Variants in MAP3K4 observed in about 807,000 individuals in gnomAD.
MAP3K4 encodes MAP three kinase 1.
A neutral mutation model predicts 185.6 loss-of-function variants in MAP3K4; 67 were observed. The observed-to-expected ratio is 0.36, with a 90% confidence interval of 0.30 to 0.44. The LOEUF is 0.44. Among genes scored for constraint, MAP3K4 ranks in the 20% least tolerant of loss-of-function variants. The pLI, the probability that MAP3K4 is intolerant of heterozygous loss-of-function variation, is 1.00. For synonymous variants in MAP3K4, 702 were observed against 710.4 expected (o/e 0.99, Z 0.19); for missense variants, 1,551 against 1,995.1 (o/e 0.78, Z 4.24).
intron 2 of MAP3K4, among the ~76,000 whole-genome samples, chr6:161,047,852 C>T (rs1783807431): frequency 1.3e-5 from 2 of 152,150 alleles, no homozygotes; most frequent in African/African-American, 2.4e-5. Flanking sequence ...GATTATAGAA[C>T]CTCTTCTAGA....
In MAP3K4 at chr6:161,087,891, G is replaced by T; in HGVS notation, c.2760G>T (p.Trp920Cys). ...ARDSEDSWGT[W>C]EAQPVKVVPQ... ...ATTCAGAGGACAGCTGGGGCACCTG[G>T]GAGGCACAGCCTGTCAAAGTCGTGC... Residue 920 changes from tryptophan (W) to cysteine (C), a missense_variant, in exon 10 of 27, where the codon TGG becomes TGT. By Grantham distance (215) the Trp-to-Cys change is radical. Transcript: ENST00000392142. This position sits in a 1 kb window ranked among gnomAD's most constrained non-coding sequence, Gnocchi z 4.9. 3 of 1,614,128 alleles carry T rather than the reference G, an allele frequency of 1.9e-6. No homozygotes were observed. Among genetic ancestry groups the T allele is most frequent in the Non-Finnish European group, 2.5e-6 (3 of 1,180,022 alleles).
chr6:161,080,666 T>C lies in MAP3K4; in HGVS notation c.2098-215T>C, dbSNP rs1785408114. On this transcript the variant is annotated intron_variant, in intron 5 of 26. Transcript: ENST00000392142. This position sits in a 1 kb window ranked among gnomAD's most constrained non-coding sequence, Gnocchi z 4.8. ...TTTGAAGGGGTTGTCAATAATATGT[T>C]AAATTGCTGGGGAGTTAGTTTTGTG... is the stretch of plus-strand genomic sequence containing the variant. 1 of 503,328 alleles carries C rather than the reference T, an allele frequency of 2.0e-6. No individual in the cohort carries two copies. The highest frequency in any genetic ancestry group is 3.7e-5 in the Admixed American group (1 of 26,984). The allele number at this position is 503,328 out of a possible 1,614,324, so 31.2% of individuals were successfully genotyped here.
chr6:161,096,466 AT>A lies in MAP3K4; in HGVS notation c.3428-613del, dbSNP rs2114880359. ...TTATTGGGAAAGTGGAATTATCAGCATATTTGTAATCACTAGGTAAGATCTC... is the reference window on the plus strand; with the variant it reads ...TTATTGGGAAAGTGGAATTATCAGCAATTTGTAATCACTAGGTAAGATCTC... On this transcript the variant is annotated intron_variant, in intron 15 of 26. Transcript: ENST00000392142. This position sits in a 1 kb window ranked among gnomAD's most constrained non-coding sequence, Gnocchi z 4.9. Among the ~76,000 whole-genome samples, 1 of 152,308 alleles carries A rather than the reference AT, an allele frequency of 6.6e-6. No homozygotes were observed. The highest frequency in any genetic ancestry group is 1.9e-4 in the East Asian group (1 of 5,188).
chr6:160,994,039 A>G (rs1223171392), intron 1 of MAP3K4, among the ~76,000 whole-genome samples: 1 of 151,970 alleles, frequency 6.6e-6, no homozygotes, highest in East Asian at 1.9e-4. Context: ...TAGGGGGTCT[A>G]TCCAGTTGTT....
chr6:161,066,655 C>T (rs993766639), intron 3 of MAP3K4, among the ~76,000 whole-genome samples: 1 of 152,106 alleles, frequency 6.6e-6, no homozygotes, highest in Non-Finnish European at 1.5e-5. Flanking sequence ...CCTTTAGTCT[C>T]CTCTTAAGGA....
chr6:161,066,255 T>C (rs962381141), intron 3 of MAP3K4, among the ~76,000 whole-genome samples: 1 of 152,192 alleles, frequency 6.6e-6, no homozygotes, highest in Non-Finnish European at 1.5e-5. Flanking sequence ...ATTCAGAGGC[T>C]GCTGCTGCTT....
At chr6:161,102,802 TAAAAAAAA>T (rs397886595) in intron 19 of MAP3K4, 23 bp downstream of exon 19, 9 of 604,416 alleles carry the variant, frequency 1.5e-5, no homozygotes, top group East Asian at 6.8e-5. Flanking sequence ...GTGTTGAAGT[TAAAAAAAA>T]AAAAAAAAAA....
intron 1 of MAP3K4, among the ~76,000 whole-genome samples, chr6:161,021,356 C>T (rs747224285): frequency 2.0e-5 from 3 of 152,154 alleles, no homozygotes; most frequent in South Asian, 2.1e-4. Context: ...GGATTCACTC[C>T]GCCTGCCCCA....
In MAP3K4 at chr6:161,096,868, CTG is replaced by C. The variant is rs1466174740; in HGVS notation, c.3428-210_3428-209del. 1 of 455,112 alleles carries C rather than the reference CTG, an allele frequency of 2.2e-6. No individual in the cohort carries two copies. The highest frequency in any genetic ancestry group is 1.9e-5 in the African/African-American group (1 of 51,318). The allele number at this position is 455,112 out of a possible 1,614,324, so 28.2% of individuals were successfully genotyped here. ...TAAAAATGTTTTTTGATGGAGAAAA[CTG>C]TTAATATATAATAGGGCTTTACTGA... On this transcript the variant is annotated intron_variant, in intron 15 of 26. Coordinates refer to ENST00000392142, the MANE Select transcript of MAP3K4 (RefSeq NM_005922.4). The surrounding 1 kb of genome is among the most constrained non-coding windows in gnomAD (Gnocchi z 4.9).
chr6:161,020,204 T>C (rs1374052647), intron 1 of MAP3K4, among the ~76,000 whole-genome samples: 1 of 152,232 alleles, frequency 6.6e-6, no homozygotes, highest in African/African-American at 2.4e-5. Flanking sequence ...AGGTCAATGC[T>C]TCTTACCCTT....
Position 161,086,286 on chromosome 6 carries a change from T to G in MAP3K4, c.2373-93T>G, listed in dbSNP as rs1399084016. On this transcript the variant is annotated intron_variant, in intron 7 of 26. Transcript: ENST00000392142. This position sits in a 1 kb window ranked among gnomAD's most constrained non-coding sequence, Gnocchi z 4.8. ...CCTCAGTCTTTATTTATTACTGTGA[T>G]TTGGAATTTGCTTCATCTTTATTGT... The G allele has an allele frequency of 1.5e-6, 1 of 669,560 alleles. No individual in the cohort carries two copies. Among genetic ancestry groups the G allele is most frequent in the African/African-American group, 1.8e-5 (1 of 55,696 alleles). 41.5% of individuals were successfully genotyped at this position (669,560 alleles called of 1,614,324 possible).
chr6:161,020,087 G>A (rs1021357130), intron 1 of MAP3K4, among the ~76,000 whole-genome samples: 1 of 152,150 alleles, frequency 6.6e-6, no homozygotes, highest in African/African-American at 2.4e-5. Flanking sequence ...TTTGAGCATT[G>A]GCTTTGAATT....
rs745984109 is a variant in MAP3K4 at position 161,093,769 on chromosome 6, C to A, written c.3349-4C>A. On this transcript the variant is annotated splice_region_variant and splice_polypyrimidine_tract_variant and intron_variant, in intron 14 of 26. Transcript: ENST00000392142. The surrounding 1 kb of genome is among the most constrained non-coding windows in gnomAD (Gnocchi z 5.2). Reference sequence around the variant, plus strand: ...TACCTTTCCCATTTTCTTTTGGTTTCTAGAGTTTACAAGCCTTGATGAATG... The same window carrying A: ...TACCTTTCCCATTTTCTTTTGGTTTATAGAGTTTACAAGCCTTGATGAATG... 4 of 1,602,714 alleles carry A rather than the reference C, an allele frequency of 2.5e-6. No homozygotes were observed. The highest frequency in any genetic ancestry group is 3.4e-6 in the Non-Finnish European group (4 of 1,171,970).
Position 161,077,387 on chromosome 6 carries a change from T to C in MAP3K4, c.2098-3494T>C, listed in dbSNP as rs993780281. On this transcript the variant is annotated intron_variant, in intron 5 of 26. Transcript: ENST00000392142. This position sits in a 1 kb window ranked among gnomAD's most constrained non-coding sequence, Gnocchi z 4.3. ...AACATTTGTTTATTCTGGGTGATAC[T>C]TGTAGAATACTTTTTAGAATTTTTT... Among the ~76,000 whole-genome samples the C allele has an allele frequency of 6.6e-6, 1 of 152,248 alleles. No homozygotes were observed. The highest frequency in any genetic ancestry group is 2.4e-5 in the African/African-American group (1 of 41,464).
rs748495003 is a variant in MAP3K4 at position 161,048,897 on chromosome 6, C to G, written c.625C>G (p.Pro209Ala). The G allele has an allele frequency of 1.9e-6, 3 of 1,614,038 alleles. No individual in the cohort carries two copies. The highest frequency in any genetic ancestry group is 2.5e-6 in the Non-Finnish European group (3 of 1,180,046). ...ATCTGTGCCCATGCCTATAGCCAGA[C>G]CTGCACGCCAGACTTCTAGGACTGA... ...PVSVPMPIAR[P>A]ARQTSRTDCP... The change falls in exon 3 of 27, where the codon CCT becomes GCT. Residue 209 changes from proline to alanine, a missense_variant. Physicochemically the swap from Pro to Ala is conservative, Grantham distance 27. Coordinates refer to ENST00000392142, the MANE Select transcript of MAP3K4 (RefSeq NM_005922.4). This position sits in a 1 kb window ranked among gnomAD's most constrained non-coding sequence, Gnocchi z 4.7.
At position 161,106,581 on chromosome 6, in the gene MAP3K4, G is replaced by C; in HGVS notation, c.3924G>C (p.Arg1308Ser). The change falls in exon 20 of 27, where the codon AGG becomes AGC. Residue 1308 changes from arginine to serine, a missense_variant. Physicochemically the swap from Arg to Ser is moderately radical, Grantham distance 110. Around this residue, in one of 16 missense-constraint regions of MAP3K4, gnomAD observed 272 missense variants for 301.2 expected, o/e 0.90. Transcript: ENST00000392142. The surrounding 1 kb of genome is among the most constrained non-coding windows in gnomAD (Gnocchi z 4.9). ...QKSVRLFEEK[R>S]YREMRRKNII... Reference sequence around the variant, plus strand: ...CAGTCCGATTGTTTGAAGAAAAGAGGTACCGAGAAATGAGGAGAAAGAATA... The same window carrying C: ...CAGTCCGATTGTTTGAAGAAAAGAGCTACCGAGAAATGAGGAGAAAGAATA... 1 of 1,613,934 alleles carries C rather than the reference G, an allele frequency of 6.2e-7. No individual in the cohort carries two copies. Among genetic ancestry groups the C allele is most frequent in the Non-Finnish European group, 8.5e-7 (1 of 1,179,910 alleles).
In MAP3K4 at chr6:161,032,881, C is replaced by T. The variant is rs186050536; in HGVS notation, c.153-1378C>T. 5.5e-3 allele frequency among the ~76,000 whole-genome samples: 837 copies of T among 152,270 alleles called. 3 individuals are homozygous for T. Among genetic ancestry groups the T allele is most frequent in the South Asian group, 1.0e-2 (48 of 4,824 alleles). The stretch of plus-strand genomic sequence containing the variant: ...TTAACTCGCATGTCTTGTGTGTACA[C>T]ATATGTTTAGGAGCACATGTGTACT... On this transcript the variant is annotated intron_variant, in intron 1 of 26. Transcript: ENST00000392142.
In MAP3K4 at chr6:161,076,167, C is replaced by T. The variant is rs755203526; in HGVS notation, c.2097+2555C>T. 2.6e-5 allele frequency among the ~76,000 whole-genome samples: 4 copies of T among 152,158 alleles called. No homozygotes were observed. The highest frequency in any genetic ancestry group is 5.9e-5 in the Non-Finnish European group (4 of 68,006). ...TAAACCCAAGCTCTAAATACGTGTC[C>T]GCCTTAGGCCCAGAAGGCCCACCCA... On this transcript the variant is annotated intron_variant, in intron 5 of 26. Coordinates refer to ENST00000392142, the MANE Select transcript of MAP3K4 (RefSeq NM_005922.4). The surrounding 1 kb of genome is among the most constrained non-coding windows in gnomAD (Gnocchi z 4.2).
intron 2 of MAP3K4, among the ~76,000 whole-genome samples, chr6:161,042,965 G>GGT (rs374290202): frequency 5.9e-5 from 9 of 151,290 alleles, no homozygotes; most frequent in Middle Eastern, 6.8e-3. Context: ...AATATCTCAA[G>GGT]GTGTGTGTGT....
Sources: gnomAD v4.1 joint callset for allele counts (sites outside exome capture counted in the v4.1 genomes callset) on GRCh38, gnomAD v4.1.1 for gene constraint, gnomAD v4.1.1 regional missense constraint, Gnocchi (gnomAD v3.1) non-coding constraint, MANE v1.5 for transcripts, NCBI Gene and HGNC (gene_info 2026-07-23, HGNC 2026-07-21) for gene names.